ETFRF1: variants seen among roughly 807,000 people sequenced by gnomAD.
ETFRF1 encodes the protein electron transfer flavoprotein regulatory factor 1, also known as LYR motif containing 5.
In ETFRF1, 12 loss-of-function variants were observed where a neutral mutation model predicts 9.0. The observed-to-expected ratio is 1.34, with a 90% CI of 0.86 to 2.16. The LOEUF (loss-of-function observed/expected upper bound fraction) is 2.16. Ranked by LOEUF, ETFRF1 falls within the 30% of genes most tolerant of loss-of-function variation. ETFRF1 has a pLI of 0.00. For missense variants in ETFRF1, 98 were observed against 101.8 expected (o/e 0.96, Z 0.16); for synonymous variants, 34 against 33.2 (o/e 1.02, Z -0.08).
At chr12:25,197,452 G>A (rs1005006915) in intron 1 of ETFRF1, among the ~76,000 whole-genome samples, 2 of 152,124 alleles carry the variant, frequency 1.3e-5, no homozygotes, top group African/African-American at 2.4e-5. Context: ...ACATGGTTCC[G>A]AAGAGGTGTT....
chr12:25,202,880 C>G (rs190723529), intron 1 of ETFRF1, among the ~76,000 whole-genome samples: 76 of 152,256 alleles, frequency 5.0e-4, no homozygotes, highest in Admixed American at 4.3e-3. Flanking sequence ...AAAAGTCATA[C>G]ACACATACAA....
rs540560690 is a variant in ETFRF1 at position 25,195,286 on chromosome 12, G to T, written c.-89G>T. 4.5e-5 allele frequency: 28 copies of T among 626,182 alleles called. No homozygotes were observed. The East Asian group carries it at 5.2e-4, about 12-fold the overall frequency. The allele number at this position is 626,182 out of a possible 1,614,324, so 38.8% of individuals were successfully genotyped here. On this transcript the variant is annotated 5_prime_UTR_variant, in exon 1 of 3. Transcript: ENST00000381356. ...AACGCCACCCCGCTTCGCAGTAGAC[G>T]GACAGAGGAGTCGTAGCGGTCGAGG... is the stretch of plus-strand genomic sequence containing the variant.
chr12:25,201,709 GGT>G (rs1343705779), intron 1 of ETFRF1, among the ~76,000 whole-genome samples: 1 of 152,046 alleles, frequency 6.6e-6, no homozygotes, highest in African/African-American at 2.4e-5. Flanking sequence ...AATTGTAAAA[GGT>G]GTAAATTTTG....
intron 1 of ETFRF1, among the ~76,000 whole-genome samples, chr12:25,196,638 C>T (rs929282731): frequency 6.6e-6 from 1 of 152,192 alleles, no homozygotes; most frequent in Non-Finnish European, 1.5e-5. Flanking sequence ...TCTCATCCAG[C>T]GCACACATCC....
intron 1 of ETFRF1, among the ~76,000 whole-genome samples, chr12:25,196,610 T>C (rs1951015514): frequency 6.6e-6 from 1 of 152,172 alleles, no homozygotes; most frequent in Non-Finnish European, 1.5e-5. Context: ...AAACTATCAA[T>C]GGGGACTGCA....
At chr12:25,203,805 C>G (rs1249921818) in intron 1 of ETFRF1, 115 bp from the exon 2 acceptor site, 2 of 588,992 alleles carry the variant, frequency 3.4e-6, no homozygotes, top group East Asian at 6.6e-5. Flanking sequence ...AAAAAGTTAT[C>G]AAGAAATATT....
At chr12:25,198,828 T>C (rs1951051863) in intron 1 of ETFRF1, among the ~76,000 whole-genome samples, 1 of 152,216 alleles carries the variant, frequency 6.6e-6, no homozygotes, top group African/African-American at 2.4e-5. Flanking sequence ...TTCACTGCTA[T>C]GCTGGCGGCA....
chr12:25,203,150 C>G (rs574359025), intron 1 of ETFRF1, among the ~76,000 whole-genome samples: 2 of 151,976 alleles, frequency 1.3e-5, no homozygotes, highest in East Asian at 3.9e-4. Flanking sequence ...ATTGCAGTTG[C>G]ATCCACCTGA....
intron 1 of ETFRF1, among the ~76,000 whole-genome samples, chr12:25,197,149 G>A (rs1190778535): frequency 1.4e-5 from 2 of 146,624 alleles, no homozygotes; most frequent in South Asian, 2.1e-4. Context: ...GCAAGACTCC[G>A]TCTCAAAAAA....
chr12:25,199,342 ATG>A (rs1951055948), intron 1 of ETFRF1, among the ~76,000 whole-genome samples: 2 of 154 alleles, frequency 0.013, no homozygotes, highest in African/African-American at 0.029. Flanking sequence ...ATACTGTACT[ATG>A]TAGTATATAG....
At chr12:25,197,153 CA>C (rs141032804) in intron 1 of ETFRF1, among the ~76,000 whole-genome samples, 9,357 of 127,396 alleles carry the variant, frequency 0.073, 362 homozygotes, top group Non-Finnish European at 0.11. Flanking sequence ...GACTCCGTCT[CA>C]AAAAAAAAAA....
rs1339730309 is a variant in ETFRF1 at position 25,204,381 on chromosome 12, A to G, written c.*69A>G. 1 of 1,285,362 alleles carries G rather than the reference A, an allele frequency of 7.8e-7. No individual in the cohort carries two copies. The highest frequency in any genetic ancestry group is 2.4e-5 in the East Asian group (1 of 41,162). The allele number at this position is 1,285,362 out of a possible 1,614,324, so 79.6% of individuals were successfully genotyped here. On this transcript the variant is annotated 3_prime_UTR_variant, in exon 3 of 3. Transcript: ENST00000381356. ...ATACCAGATGTTGTAAAATAATTCT[A>G]ACTTAAAATGGGAAGATATACATGT...
Position 25,200,112 on chromosome 12 carries a change from A to C in ETFRF1, c.-37-3808A>C, listed in dbSNP as rs191235898. 1.3e-3 allele frequency among the ~76,000 whole-genome samples: 204 copies of C among 152,286 alleles called. 3 individuals are homozygous for C. The highest frequency in any genetic ancestry group is 0.013 in the Admixed American group (203 of 15,298). Reference sequence around the variant, plus strand: ...GTAATTCCAGCTACTTGGGAGGCTGAGGCAGGAGAATCACTTGAACCCAGG... The same window carrying C: ...GTAATTCCAGCTACTTGGGAGGCTGCGGCAGGAGAATCACTTGAACCCAGG... On this transcript the variant is annotated intron_variant, in intron 1 of 2. Transcript: ENST00000381356.
Position 25,203,919 on chromosome 12 carries a change from G to A in ETFRF1, c.-37-1G>A, listed in dbSNP as rs1951099654. 3 of 1,398,004 alleles carry A rather than the reference G, an allele frequency of 2.1e-6. No individual in the cohort carries two copies. Among genetic ancestry groups the A allele is most frequent in the East Asian group, 5.2e-5 (2 of 38,144 alleles). The allele number at this position is 1,398,004 out of a possible 1,614,324, so 86.6% of individuals were successfully genotyped here. A position where few individuals can be genotyped will look rare whatever the true frequency, so the allele number is the denominator to read the frequency against. Reference sequence around the variant, plus strand: ...TTGCAAAAAAATTTTCCTTTCTTTAGGTATGTTATGCATAAAAGTGGATAA... The same window carrying A: ...TTGCAAAAAAATTTTCCTTTCTTTAAGTATGTTATGCATAAAAGTGGATAA... On this transcript the variant is annotated splice_acceptor_variant, in intron 1 of 2. Coordinates refer to ENST00000381356, the MANE Select transcript of ETFRF1 (RefSeq NM_001001660.3). LOFTEE classifies it low-confidence loss of function (5UTR_SPLICE).
At position 25,199,619 on chromosome 12, in the gene ETFRF1, T is replaced by TACACACACACACACACACACAC. The variant is rs56221882; in HGVS notation, c.-38+4290_-37-4272dup. Among the ~76,000 whole-genome samples, 288 of 143,658 alleles carry TACACACACACACACACACACAC rather than the reference T, an allele frequency of 2.0e-3. 1 individual carries two copies. The highest frequency in any genetic ancestry group is 2.9e-3 in the South Asian group (13 of 4,430). The allele number at this position is 143,658 out of a possible 152,430, so 94.2% of individuals were successfully genotyped here. On this transcript the variant is annotated intron_variant, in intron 1 of 2. Transcript: ENST00000381356. Reference sequence around the variant, plus strand: ...TTGTATATATACATATATGTATACATACACACACACACACACACACACACA... The same window carrying TACACACACACACACACACACAC: ...TTGTATATATACATATATGTATACATACACACACACACACACACACACACACACACACACACACACACACACA...
intron 1 of ETFRF1, among the ~76,000 whole-genome samples, chr12:25,201,869 T>C (rs1951075800): frequency 6.6e-6 from 1 of 152,042 alleles, no homozygotes; most frequent in African/African-American, 2.4e-5. Context: ...TTAATCCACA[T>C]TTTCTGCTAG....
At chr12:25,197,814 C>G (rs1162088161) in intron 1 of ETFRF1, among the ~76,000 whole-genome samples, 2 of 152,016 alleles carry the variant, frequency 1.3e-5, no homozygotes, top group African/African-American at 4.8e-5. Context: ...GCTAATGGCT[C>G]TCTGCCAAAA....
chr12:25,195,559 G>T (rs11047886), intron 1 of ETFRF1: 12,745 of 216,362 alleles, frequency 0.059, 1,476 homozygotes, highest in African/African-American at 0.26. Flanking sequence ...CCGGTGGGAG[G>T]CCTGGGCCTC....
chr12:25,195,761 A>G (rs1950983857), intron 1 of ETFRF1: 2 of 152,858 alleles, frequency 1.3e-5, no homozygotes, highest in South Asian at 4.0e-4. Context: ...AAATGAAGCA[A>G]TTCCTGGCTA....
Sources: gnomAD v4.1 joint callset for allele counts (sites outside exome capture counted in the v4.1 genomes callset) on GRCh38, gnomAD v4.1.1 for gene constraint, MANE v1.5 for transcripts, NCBI Gene and HGNC (gene_info 2026-07-23, HGNC 2026-07-21) for gene names.